LRRC72: variants seen among roughly 807,000 people sequenced by gnomAD.
LRRC72 encodes the protein leucine rich repeat containing 72, also known as leucine-rich repeat-containing protein 72.
A neutral mutation model predicts 35.8 loss-of-function variants in LRRC72; 41 were observed. The observed-to-expected ratio is 1.15, with a 90% CI of 0.89 to 1.49. The LOEUF (loss-of-function observed/expected upper bound fraction) is 1.49. LRRC72 is among the 40% of genes most tolerant of loss of function. The pLI is 0.00. For missense variants in LRRC72, 389 were observed against 330.7 expected, an observed-to-expected ratio of 1.18 and a Z score of -1.37; for synonymous variants, 118 against 119.2, an observed-to-expected ratio of 0.99 and a Z score of 0.07.
chr7:16,552,892 C>T (rs566060749), intron 3 of LRRC72, among the ~76,000 whole-genome samples: 1 of 152,284 alleles, frequency 6.6e-6, no homozygotes, highest in African/African-American at 2.4e-5. Flanking sequence ...TCAAAGCCTA[C>T]CCAGTTCTAC....
At chr7:16,561,896 T>A (rs923551302) in intron 5 of LRRC72, among the ~76,000 whole-genome samples, 4 of 152,274 alleles carry the variant, frequency 2.6e-5, no homozygotes, top group African/African-American at 9.6e-5. Flanking sequence ...GAGAACTCTA[T>A]GTATTTTCAA....
intron 5 of LRRC72, among the ~76,000 whole-genome samples, chr7:16,565,973 A>G (rs768134451): frequency 6.6e-6 from 1 of 152,218 alleles, no homozygotes; most frequent in Non-Finnish European, 1.5e-5. Flanking sequence ...ACTCCAATAG[A>G]GCTGATATCT....
chr7:16,558,826 G>A, intron 4 of LRRC72, 63 bp from the exon 5 acceptor site: 1 of 975,054 alleles, frequency 1.0e-6, no homozygotes, highest in Non-Finnish European at 1.4e-6. Context: ...ATTTTTATTT[G>A]CAATAAAAAA....
At chr7:16,539,954 G>A (rs1467918081) in intron 3 of LRRC72, among the ~76,000 whole-genome samples, 1 of 152,252 alleles carries the variant, frequency 6.6e-6, no homozygotes, top group East Asian at 1.9e-4. Context: ...GCAATGCAGA[G>A]GGGAAATGTG....
At chr7:16,555,249 T>C (rs1377799920) in intron 3 of LRRC72, among the ~76,000 whole-genome samples, 1 of 152,216 alleles carries the variant, frequency 6.6e-6, no homozygotes. Context: ...GCACATGATA[T>C]GCCTTTTATA....
In LRRC72 at chr7:16,578,840, T is replaced by C. The variant is rs552286216; in HGVS notation, c.671-1234T>C. Among the ~76,000 whole-genome samples the C allele has an allele frequency of 1.3e-3, 205 of 152,314 alleles. 1 individual carries two copies. Among genetic ancestry groups the C allele is most frequent in the African/African-American group, 4.9e-3 (202 of 41,560 alleles). ...ATATGGATGACACTGGAGAGCGTTA[T>C]ACTAAATGAAATAAGACAGACACAG... On this transcript the variant is annotated intron_variant, in intron 7 of 8. Transcript: ENST00000401542.
intron 3 of LRRC72, among the ~76,000 whole-genome samples, chr7:16,540,149 C>A (rs1782332006): frequency 6.6e-6 from 1 of 152,210 alleles, no homozygotes; most frequent in Non-Finnish European, 1.5e-5. Context: ...CCCTGAAAAA[C>A]CACAGGGGCA....
At chr7:16,547,079 C>A (rs1782456131) in intron 3 of LRRC72, among the ~76,000 whole-genome samples, 1 of 152,132 alleles carries the variant, frequency 6.6e-6, no homozygotes, top group Non-Finnish European at 1.5e-5. Flanking sequence ...CCAGGCAGGA[C>A]CCGCTCCCAG....
chr7:16,531,678 G>A (rs528280608), intron 1 of LRRC72, among the ~76,000 whole-genome samples: 1 of 152,154 alleles, frequency 6.6e-6, no homozygotes, highest in East Asian at 1.9e-4. Flanking sequence ...GTCATGTCTT[G>A]TGAGCTCTAC....
chr7:16,557,569 T>G, intron 4 of LRRC72, 128 bp downstream of exon 4: 1 of 343,016 alleles, frequency 2.9e-6, no homozygotes, highest in Non-Finnish European at 5.4e-6. Flanking sequence ...AAGAAATGTA[T>G]TTTTTAAATG....
chr7:16,570,679 G>T (rs541291507), intron 7 of LRRC72, among the ~76,000 whole-genome samples: 28 of 152,198 alleles, frequency 1.8e-4, no homozygotes, highest in African/African-American at 6.5e-4. Context: ...AATTAGCTGG[G>T]TTTGGTGGCG....
In LRRC72 at chr7:16,567,462, A is replaced by G; in HGVS notation, c.589A>G (p.Ile197Val). The G allele has an allele frequency of 2.0e-6, 3 of 1,537,458 alleles. No individual in the cohort carries two copies. The highest frequency in any genetic ancestry group is 1.8e-6 in the Non-Finnish European group (2 of 1,140,568). The change falls in exon 7 of 9, where the codon ATA (isoleucine) becomes GTA (valine). Residue 197 changes from isoleucine to valine, a missense_variant. Physicochemically the swap from Ile to Val is conservative, Grantham distance 29. Coordinates refer to ENST00000401542, the MANE Select transcript of LRRC72 (RefSeq NM_001195280.2). ...TAAAAAGGCTCATATCGTTCAATCA[A>G]TAGCATTCGGAGGAAAAGTGGATGC... ...NHKKAHIVQS[I>V]AFGGKVDASW...
chr7:16,565,952 G>GTAGCC (rs1201699251), intron 5 of LRRC72, among the ~76,000 whole-genome samples: 1 of 152,206 alleles, frequency 6.6e-6, no homozygotes, highest in Non-Finnish European at 1.5e-5. Context: ...TTAATAAAAA[G>GTAGCC]TAGCCTCAAG....
intron 8 of LRRC72, 105 bp downstream of exon 8, chr7:16,580,206 G>T: frequency 5.0e-6 from 1 of 201,230 alleles, no homozygotes; most frequent in South Asian, 9.1e-5. Flanking sequence ...ATTAAAAAAT[G>T]ACTCACTCTT....
rs1177758505 is a variant in LRRC72, at chr7:16,558,981, C to T, written c.409C>T (p.Leu137=). The stretch of plus-strand genomic sequence containing the variant: ...AACAGTGAAGGAATTAAAGGGAATG[C>T]TAAATCTGAAGATCCTAAGTAACAA... ...DATVKELKGM[L]NLKILSLYQN... Residue 137 remains leucine (L), a synonymous_variant, in exon 5 of 9, where the codon CTA becomes TTA. Coordinates refer to ENST00000401542, the MANE Select transcript of LRRC72 (RefSeq NM_001195280.2). 2.0e-6 allele frequency: 3 copies of T among 1,533,364 alleles called. No individual in the cohort carries two copies. The highest frequency in any genetic ancestry group is 2.4e-5 in the South Asian group (2 of 82,030). The allele number at this position is 1,533,364 out of a possible 1,614,324, so 95.0% of individuals were successfully genotyped here.
At chr7:16,531,504 C>T (rs1782164516) in intron 1 of LRRC72, among the ~76,000 whole-genome samples, 1 of 152,196 alleles carries the variant, frequency 6.6e-6, no homozygotes, top group Non-Finnish European at 1.5e-5. Context: ...TACCAAATAG[C>T]AAAACCACTG....
chr7:16,532,464 G>A, intron 1 of LRRC72, 31 bp from the exon 2 acceptor site: 1 of 1,501,186 alleles, frequency 6.7e-7, no homozygotes, highest in Non-Finnish European at 9.1e-7. Context: ...TCATTGGAAT[G>A]TAGTTTGACA....
At chr7:16,528,653 C>T (rs1426763788) in intron 1 of LRRC72, among the ~76,000 whole-genome samples, 2 of 152,180 alleles carry the variant, frequency 1.3e-5, no homozygotes, top group African/African-American at 2.4e-5. Context: ...TTCCCAGAGG[C>T]AGTCTTGCTT....
intron 7 of LRRC72, among the ~76,000 whole-genome samples, chr7:16,572,516 T>A (rs1381189270): frequency 6.6e-6 from 1 of 152,212 alleles, no homozygotes; most frequent in Non-Finnish European, 1.5e-5. Context: ...AATCAATAAA[T>A]GTAATCCATC....
Sources: gnomAD v4.1 joint callset for allele counts (sites outside exome capture counted in the v4.1 genomes callset) on GRCh38, gnomAD v4.1.1 for gene constraint, MANE v1.5 for transcripts, NCBI Gene and HGNC (gene_info 2026-07-23, HGNC 2026-07-21) for gene names.